The following CLEC6A variants were observed in gnomAD, a reference collection of about 807,000 sequenced individuals.
The protein encoded by CLEC6A is C-type lectin domain family 6 member A.
Under a neutral mutation model 25.7 loss-of-function variants are expected in CLEC6A, and 22 were observed. The observed-to-expected ratio is 0.85, with a 90% CI of 0.61 to 1.22. The LOEUF (loss-of-function observed/expected upper bound fraction) is 1.22. Ranked by LOEUF, CLEC6A falls within the 50% of genes most tolerant of loss-of-function variation. CLEC6A has a pLI of 0.00. For synonymous variants in CLEC6A, 92 were observed against 76.7 expected, an observed-to-expected ratio of 1.20 and a Z score of -1.04; for missense variants, 240 against 236.8, an observed-to-expected ratio of 1.01 and a Z score of -0.09.
Position 8,470,645 on chromosome 12 carries a change from G to C in CLEC6A, c.369+5016G>C, listed in dbSNP as rs1591709265. Among the ~76,000 whole-genome samples the C allele has an allele frequency of 3.9e-5, 6 of 152,272 alleles. No individual in the cohort carries two copies. The South Asian group carries it at 1.2e-3, about 32-fold the overall frequency. On this transcript the variant is annotated intron_variant, in intron 4 of 5. Transcript: ENST00000382073. Reference sequence around the variant, plus strand: ...CATTATTCTAAGTGAAGTAACTCAGGAATGGAAAACCAAACATCGTATATT... The same window carrying C: ...CATTATTCTAAGTGAAGTAACTCAGCAATGGAAAACCAAACATCGTATATT...
At chr12:8,461,172 T>C (rs1939749052) in intron 3 of CLEC6A, 2 of 1,278,576 alleles carry the variant, frequency 1.6e-6, no homozygotes, top group African/African-American at 1.5e-5. Flanking sequence ...ACACTATTTG[T>C]GGTTCTCATC....
chr12:8,475,695 A>G (rs1221191654), intron 4 of CLEC6A, among the ~76,000 whole-genome samples: 2 of 152,094 alleles, frequency 1.3e-5, no homozygotes, highest in African/African-American at 4.8e-5. Flanking sequence ...CACACTGGGG[A>G]GGGCAATCTA....
chr12:8,465,763 A>C, intron 4 of CLEC6A, 134 bp downstream of exon 4: 1 of 679,828 alleles, frequency 1.5e-6, no homozygotes, highest in South Asian at 3.6e-5. Flanking sequence ...GATCTCTAGA[A>C]CTTTTTCATC....
intron 2 of CLEC6A, among the ~76,000 whole-genome samples, chr12:8,458,217 C>T (rs867393908): frequency 3.3e-4 from 51 of 152,280 alleles, no homozygotes; most frequent in Middle Eastern, 6.8e-3. Context: ...TGAATCATGG[C>T]CTCACATATC....
chr12:8,458,251 T>G (rs1939704383), intron 2 of CLEC6A, among the ~76,000 whole-genome samples: 1 of 152,238 alleles, frequency 6.6e-6, no homozygotes, highest in African/African-American at 2.4e-5. Context: ...GTAGCCATCA[T>G]CTAAGACACC....
At position 8,459,689 on chromosome 12, in the gene CLEC6A, A is replaced by G. The variant is rs374604334; in HGVS notation, c.214A>G (p.Lys72Glu). Residue 72 changes from lysine to glutamate, a missense_variant, in exon 3 of 6, where the codon AAG becomes GAG. Physicochemically the swap from Lys to Glu is moderately conservative, Grantham distance 56. Coordinates refer to ENST00000382073, the MANE Select transcript of CLEC6A (RefSeq NM_001007033.2). ...SSLTCFSEGT[K>E]VPAWGCCPAS... ...TCTCACCTGCTTCAGTGAAGGGACA[A>G]AGGTGCCAGGTAAATCTTTAAAATA... 8.7e-6 allele frequency: 14 copies of G among 1,606,766 alleles called. No homozygotes were observed. In the African/African-American group the frequency reaches 1.7e-4, roughly 20 times the overall value.
intron 3 of CLEC6A, chr12:8,460,974 C>A: frequency 9.5e-7 from 1 of 1,049,786 alleles, no homozygotes. Flanking sequence ...CAAATTCTTA[C>A]TGCGTTGGTG....
intron 1 of CLEC6A, among the ~76,000 whole-genome samples, chr12:8,457,109 CAA>C (rs550398985): frequency 6.1e-5 from 8 of 132,146 alleles, no homozygotes; most frequent in African/African-American, 8.5e-5. Flanking sequence ...GACTCCATGT[CAA>C]AAAAAAAAAA....
chr12:8,472,816 C>T (rs1372302049), intron 4 of CLEC6A, among the ~76,000 whole-genome samples: 1 of 152,020 alleles, frequency 6.6e-6, no homozygotes, highest in Non-Finnish European at 1.5e-5. Context: ...GTATATTGCA[C>T]AATGCTGAGG....
Position 8,465,553 on chromosome 12 carries a change from A to G in CLEC6A, c.293A>G (p.Lys98Arg). 1 of 1,614,062 alleles carries G rather than the reference A, an allele frequency of 6.2e-7. No homozygotes were observed. Among genetic ancestry groups the G allele is most frequent in the Non-Finnish European group, 8.5e-7 (1 of 1,179,944 alleles). Residue 98 changes from lysine to arginine, a missense_variant, in exon 4 of 6, where the codon AAG becomes AGG. Coordinates refer to ENST00000382073, the MANE Select transcript of CLEC6A (RefSeq NM_001007033.2). ...TGCTACTTCATTTCCAGTGAAGAGAAGGTTTGGTCTAAGAGTGAGCAGAAC... is the reference window on the plus strand; with the variant it reads ...TGCTACTTCATTTCCAGTGAAGAGAGGGTTTGGTCTAAGAGTGAGCAGAAC... ...SSCYFISSEEKVWSKSEQNCV... is the reference protein window; with the variant it reads ...SSCYFISSEERVWSKSEQNCV...
chr12:8,465,453 C>A, intron 3 of CLEC6A, 31 bp from the exon 4 acceptor site: 1 of 1,611,636 alleles, frequency 6.2e-7, no homozygotes, highest in Non-Finnish European at 8.5e-7. Context: ...ATCTTGCACT[C>A]ACTCTTTTTT....
At position 8,468,776 on chromosome 12, in the gene CLEC6A, C is replaced by T. The variant is rs762801300; in HGVS notation, c.369+3147C>T. 3.1e-4 allele frequency among the ~76,000 whole-genome samples: 47 copies of T among 152,166 alleles called. 1 individual carries two copies. The highest frequency in any genetic ancestry group is 7.7e-4 in the East Asian group (4 of 5,186). On this transcript the variant is annotated intron_variant, in intron 4 of 5. Transcript: ENST00000382073. ...AAACCCTCAGTAAAATCAGCATAGACGGGACATAGCTTGAGGTAATAAAAG... is the reference window on the plus strand; with the variant it reads ...AAACCCTCAGTAAAATCAGCATAGATGGGACATAGCTTGAGGTAATAAAAG...
chr12:8,465,721 A>G, intron 4 of CLEC6A, 92 bp downstream of exon 4: 1 of 1,057,996 alleles, frequency 9.5e-7, no homozygotes, highest in Non-Finnish European at 1.3e-6. Context: ...ACTGTTCAGT[A>G]GCATTTACTA....
chr12:8,475,220 G>A (rs1939957319), intron 4 of CLEC6A, among the ~76,000 whole-genome samples: 1 of 151,982 alleles, frequency 6.6e-6, no homozygotes. Context: ...GGGGAGTAGA[G>A]AAACAAATTT....
At chr12:8,464,957 G>A (rs866092416) in intron 3 of CLEC6A, among the ~76,000 whole-genome samples, 7 of 152,246 alleles carry the variant, frequency 4.6e-5, no homozygotes, top group Non-Finnish European at 7.4e-5. Context: ...TGTGAGGTTG[G>A]CACTATTATT....
intron 4 of CLEC6A, among the ~76,000 whole-genome samples, chr12:8,469,571 C>T (rs928659896): frequency 6.6e-6 from 1 of 152,094 alleles, no homozygotes; most frequent in Non-Finnish European, 1.5e-5. Flanking sequence ...CAACATGGTA[C>T]TGGTATAAAA....
At chr12:8,466,800 G>T (rs909321036) in intron 4 of CLEC6A, among the ~76,000 whole-genome samples, 5 of 151,138 alleles carry the variant, frequency 3.3e-5, no homozygotes, top group African/African-American at 1.2e-4. Flanking sequence ...GCTTACAGGT[G>T]CCTGCCACCA....
chr12:8,465,203 A>G (rs745569410), intron 3 of CLEC6A, among the ~76,000 whole-genome samples: 15 of 151,014 alleles, frequency 9.9e-5, no homozygotes, highest in Non-Finnish European at 1.5e-4. Context: ...CTTGGTGCTG[A>G]TAATGTATAA....
intron 3 of CLEC6A, chr12:8,460,690 G>T (rs781348459): frequency 1.1e-5 from 16 of 1,497,758 alleles, no homozygotes; most frequent in East Asian, 2.3e-5. Flanking sequence ...TCTTCTGAGG[G>T]TCCGCTGCTG....
Sources: gnomAD v4.1 joint callset for allele counts (sites outside exome capture counted in the v4.1 genomes callset) on GRCh38, gnomAD v4.1.1 for gene constraint, MANE v1.5 for transcripts, NCBI Gene and HGNC (gene_info 2026-07-23, HGNC 2026-07-21) for gene names.